Variants in CDKAL1 observed in about 807,000 individuals in gnomAD.
CDKAL1 encodes threonylcarbamoyladenosine tRNA methylthiotransferase.
A neutral mutation model predicts 68.2 loss-of-function variants in CDKAL1; 32 were observed. That is an observed-to-expected ratio of 0.47 (90% CI 0.35 to 0.63). CDKAL1 has a LOEUF of 0.63. Ranked by LOEUF, CDKAL1 falls within the 30% of genes least tolerant of loss-of-function variation. The pLI is 0.00. For missense variants in CDKAL1, 606 were observed against 696.7 expected, an observed-to-expected ratio of 0.87 and a Z score of 1.47; for synonymous variants, 234 against 244.3, an observed-to-expected ratio of 0.96 and a Z score of 0.39.
intron 6 of CDKAL1, 36 bp from the exon 7 acceptor site, chr6:20,758,559 T>C: frequency 6.3e-7 from 1 of 1,586,932 alleles, no homozygotes; most frequent in Non-Finnish European, 8.6e-7. Context: ...TTTCTTCGTG[T>C]AAATTACTTG....
intron 11 of CDKAL1, among the ~76,000 whole-genome samples, chr6:21,022,767 T>C (rs1768739786): frequency 6.6e-6 from 1 of 152,194 alleles, no homozygotes; most frequent in Non-Finnish European, 1.5e-5. Context: ...GCCACAGGCC[T>C]GAGGAACTGC....
At chr6:21,068,006 A>G (rs1771547253) in intron 12 of CDKAL1, among the ~76,000 whole-genome samples, 1 of 152,074 alleles carries the variant, frequency 6.6e-6, no homozygotes, top group African/African-American at 2.4e-5. Flanking sequence ...GTCTTTCTTC[A>G]TGAATTACCT....
At chr6:21,202,230 A>T (rs1391978444) in intron 15 of CDKAL1, among the ~76,000 whole-genome samples, 1 of 152,178 alleles carries the variant, frequency 6.6e-6, no homozygotes, top group Non-Finnish European at 1.5e-5. Context: ...GATAATTCAC[A>T]TGTGCTTCAC....
In CDKAL1 at chr6:20,546,496, A is replaced by G; in HGVS notation, c.146A>G (p.Glu49Gly). Residue 49 changes from glutamate (E) to glycine (G), a missense_variant, in exon 3 of 16, where the codon GAG becomes GGG. Glu to Gly is a moderately conservative substitution (Grantham distance 98). Coordinates refer to ENST00000274695, the MANE Select transcript of CDKAL1 (RefSeq NM_017774.3). Reference protein sequence around the residue: ...RRRNTQKYLQEEENSPPSDST... With the variant: ...RRRNTQKYLQGEENSPPSDST... The stretch of plus-strand genomic sequence containing the variant: ...CGAAATACCCAAAAATATTTGCAAG[A>G]GGAAGAAAACAGTCCACCAAGTGAC... 6.2e-7 allele frequency: 1 copy of G among 1,614,060 alleles called. No individual in the cohort carries two copies. The highest frequency in any genetic ancestry group is 1.1e-5 in the South Asian group (1 of 91,076).
intron 13 of CDKAL1, among the ~76,000 whole-genome samples, chr6:21,134,406 A>G: frequency 6.6e-6 from 1 of 152,218 alleles, no homozygotes; most frequent in East Asian, 1.9e-4. Context: ...AGCAAATTAA[A>G]ACCATAACTT....
intron 4 of CDKAL1, among the ~76,000 whole-genome samples, chr6:20,612,992 CACA>C (rs1766691936): frequency 2.3e-4 from 1 of 4,356 alleles, no homozygotes; most frequent in East Asian, 9.3e-3. Context: ...GCAATTTCTA[CACA>C]CACACACACA....
intron 2 of CDKAL1, 106 bp from the exon 3 acceptor site, chr6:20,546,240 A>T: frequency 1.2e-6 from 1 of 806,282 alleles, no homozygotes; most frequent in East Asian, 2.5e-5. Flanking sequence ...TTGAAGTTAG[A>T]TCCAAAGGCT....
intron 4 of CDKAL1, among the ~76,000 whole-genome samples, chr6:20,639,656 C>T (rs1039512342): frequency 6.6e-6 from 1 of 151,950 alleles, no homozygotes; most frequent in Non-Finnish European, 1.5e-5. Flanking sequence ...ATCTATTGAC[C>T]AGAATTTTTA....
At chr6:21,096,882 A>G (rs1034311458) in intron 12 of CDKAL1, among the ~76,000 whole-genome samples, 4 of 152,230 alleles carry the variant, frequency 2.6e-5, no homozygotes, top group Admixed American at 6.5e-5. Context: ...TTAGCACTGT[A>G]ACTGCTAATT....
chr6:20,748,554 G>GAAAAA (rs1773762406), intron 6 of CDKAL1, among the ~76,000 whole-genome samples: 1 of 77,106 alleles, frequency 1.3e-5, no homozygotes, highest in Non-Finnish European at 2.5e-5. Flanking sequence ...CTCTGTTTCT[G>GAAAAA]GAAAAAAAAA....
At chr6:20,572,691 T>C (rs1001521892) in intron 4 of CDKAL1, among the ~76,000 whole-genome samples, 1 of 152,170 alleles carries the variant, frequency 6.6e-6, no homozygotes, top group Admixed American at 6.5e-5. Context: ...GAAGTTAATT[T>C]ATTTCAGGAT....
intron 12 of CDKAL1, among the ~76,000 whole-genome samples, chr6:21,097,692 T>G (rs1249835203): frequency 6.6e-6 from 1 of 152,206 alleles, no homozygotes; most frequent in Admixed American, 6.5e-5. Flanking sequence ...TCCCCCGTTC[T>G]CTATGGAACT....
chr6:20,898,942 T>C lies in CDKAL1; in HGVS notation c.742+52764T>C, dbSNP rs1761828287. 2.0e-5 allele frequency among the ~76,000 whole-genome samples: 3 copies of C among 152,244 alleles called. No homozygotes were observed. The South Asian group carries it at 6.2e-4, about 32-fold the overall frequency. On this transcript the variant is annotated intron_variant, in intron 9 of 15. Transcript: ENST00000274695. ...GAGGATCACCTTACTAAATACCACATTTTATTTGTATAGAAATGGAGAGTC... is the reference window on the plus strand; with the variant it reads ...GAGGATCACCTTACTAAATACCACACTTTATTTGTATAGAAATGGAGAGTC...
intron 9 of CDKAL1, among the ~76,000 whole-genome samples, chr6:20,886,571 T>G (rs1022647372): frequency 1.3e-5 from 2 of 152,238 alleles, no homozygotes; most frequent in Admixed American, 1.3e-4. Flanking sequence ...AATGGAATGA[T>G]GTTCGGATAT....
At chr6:20,538,566 A>G (rs1462523765) in intron 2 of CDKAL1, among the ~76,000 whole-genome samples, 5 of 151,792 alleles carry the variant, frequency 3.3e-5, no homozygotes, top group South Asian at 2.1e-4. Context: ...TTTCCTTTCT[A>G]TTTCTCTTCA....
chr6:21,119,202 A>G lies in CDKAL1; in HGVS notation c.1299+10739A>G, dbSNP rs545666370. 8.5e-5 allele frequency among the ~76,000 whole-genome samples: 13 copies of G among 152,220 alleles called. No individual in the cohort carries two copies. The South Asian group carries it at 2.1e-3, about 24-fold the overall frequency. ...CCTGGTTTACTTTCTGTTAGAAAGT[A>G]TGAATCAATGAAATTTGCTAATACT... On this transcript the variant is annotated intron_variant, in intron 13 of 15. Coordinates refer to ENST00000274695, the MANE Select transcript of CDKAL1 (RefSeq NM_017774.3).
At chr6:21,126,642 C>T (rs1459644960) in intron 13 of CDKAL1, among the ~76,000 whole-genome samples, 1 of 152,016 alleles carries the variant, frequency 6.6e-6, no homozygotes. Context: ...ATTTGTATTG[C>T]TCAAATTGCA....
Position 21,149,438 on chromosome 6 carries a change from G to A in CDKAL1, c.1299+40975G>A, listed in dbSNP as rs1776310678. Among the ~76,000 whole-genome samples, 4 of 151,788 alleles carry A rather than the reference G, an allele frequency of 2.6e-5. No homozygotes were observed. In the South Asian group the frequency reaches 8.3e-4, roughly 32 times the overall value. On this transcript the variant is annotated intron_variant, in intron 13 of 15. Transcript: ENST00000274695. ...TGGGATTACAGGCATGAACCACCAC[G>A]CCTGGCCCCAAAAAACATTCTTAAA...
chr6:20,869,109 A>T (rs1416843532), intron 9 of CDKAL1, among the ~76,000 whole-genome samples: 1 of 152,172 alleles, frequency 6.6e-6, no homozygotes, highest in Non-Finnish European at 1.5e-5. Flanking sequence ...ACAGCACTTC[A>T]TCTGTTCAGT....
Sources: gnomAD v4.1 joint callset for allele counts (sites outside exome capture counted in the v4.1 genomes callset) on GRCh38, gnomAD v4.1.1 for gene constraint, MANE v1.5 for transcripts, NCBI Gene and HGNC (gene_info 2026-07-23, HGNC 2026-07-21) for gene names.